The following CTDSPL2 variants were observed in gnomAD, a reference collection of about 807,000 sequenced individuals.
CTDSPL2 encodes CTD small phosphatase-like protein 2.
CTDSPL2 carries 5 observed loss-of-function variants against 60.0 expected under a neutral mutation model. That is an observed-to-expected ratio of 0.08 (90% CI 0.04 to 0.18). The LOEUF is 0.18. CTDSPL2 is among the 10% of genes least tolerant of loss of function. The pLI, the probability that CTDSPL2 is intolerant of heterozygous loss-of-function variation, is 1.00. For missense variants in CTDSPL2, 370 were observed against 548.8 expected (o/e 0.67, Z 3.26); for synonymous variants, 186 against 189.3 (o/e 0.98, Z 0.14).
chr15:44,486,133 TTAGA>T (rs1436364301), intron 3 of CTDSPL2, among the ~76,000 whole-genome samples: 15 of 152,236 alleles, frequency 9.9e-5, no homozygotes, highest in African/African-American at 3.4e-4. Flanking sequence ...CTGTCATTCA[TTAGA>T]TAGAAGCAGA....
At chr15:44,474,448 C>T (rs1209301233) in intron 2 of CTDSPL2, among the ~76,000 whole-genome samples, 2 of 151,880 alleles carry the variant, frequency 1.3e-5, no homozygotes, top group Admixed American at 6.6e-5. Context: ...GGAGATCGCA[C>T]CACTGCACTC....
intron 2 of CTDSPL2, among the ~76,000 whole-genome samples, chr15:44,475,742 T>G (rs949371343): frequency 9.2e-5 from 14 of 152,206 alleles, no homozygotes; most frequent in African/African-American, 3.4e-4. Flanking sequence ...TTTAAAGTAT[T>G]AAATTCCTTT....
At chr15:44,524,019 A>T in intron 12 of CTDSPL2, 90 bp from the exon 13 acceptor site, 2 of 948,790 alleles carry the variant, frequency 2.1e-6, no homozygotes, top group South Asian at 2.7e-5. Context: ...AAAAACTGGT[A>T]TGTTTTCTCT....
chr15:44,438,057 G>C lies in CTDSPL2; in HGVS notation c.-25+10285G>C, dbSNP rs533489321. ...AGGCAGGTGGATCACGAGGTCAGGA[G>C]ATTAAGACCATCCTGGCTAACATGG... On this transcript the variant is annotated intron_variant, in intron 1 of 12. Coordinates refer to ENST00000260327, the MANE Select transcript of CTDSPL2 (RefSeq NM_016396.3). Among the ~76,000 whole-genome samples, 679 of 152,284 alleles carry C rather than the reference G, an allele frequency of 4.5e-3. 3 individuals carry two copies. The highest frequency in any genetic ancestry group is 0.016 in the African/African-American group (646 of 41,560).
chr15:44,479,586 T>G (rs2080988277), intron 2 of CTDSPL2, among the ~76,000 whole-genome samples: 1 of 151,990 alleles, frequency 6.6e-6, no homozygotes, highest in Non-Finnish European at 1.5e-5. Flanking sequence ...TTTTAAATTT[T>G]TGTGTAGAAA....
At chr15:44,509,076 T>G (rs2081521736) in intron 8 of CTDSPL2, among the ~76,000 whole-genome samples, 1 of 152,246 alleles carries the variant, frequency 6.6e-6, no homozygotes, top group Admixed American at 6.5e-5. Context: ...TAGAAATTAC[T>G]AAGTATATAA....
intron 2 of CTDSPL2, among the ~76,000 whole-genome samples, chr15:44,479,780 C>T (rs1025649551): frequency 7.2e-5 from 11 of 151,952 alleles, no homozygotes; most frequent in African/African-American, 1.5e-4. Flanking sequence ...TTTTCTGACA[C>T]GTGTTCTTTA....
intron 10 of CTDSPL2, among the ~76,000 whole-genome samples, chr15:44,515,456 T>C (rs553541522): frequency 9.9e-5 from 15 of 152,282 alleles, no homozygotes; most frequent in Non-Finnish European, 2.1e-4. Flanking sequence ...TTAGTTCCAT[T>C]ATTTTGTCAG....
At chr15:44,478,475 AAAAAAAAAG>A (rs1462523240) in intron 2 of CTDSPL2, among the ~76,000 whole-genome samples, 12 of 149,974 alleles carry the variant, frequency 8.0e-5, no homozygotes, top group African/African-American at 2.9e-4. Flanking sequence ...AAAAAAAAAA[AAAAAAAAAG>A]ACTCATGAGA....
chr15:44,462,194 T>C (rs1345338148), intron 2 of CTDSPL2, among the ~76,000 whole-genome samples: 1 of 152,238 alleles, frequency 6.6e-6, no homozygotes, highest in East Asian at 1.9e-4. Context: ...TTTGCCTGCC[T>C]GGACCTCTCA....
In CTDSPL2 at chr15:44,526,281, T is replaced by C. The variant is rs2081871790; in HGVS notation, c.*2107T>C. 6.6e-6 allele frequency: 1 copy of C among 152,160 alleles called. No individual in the cohort carries two copies. The highest frequency in any genetic ancestry group is 1.5e-5 in the Non-Finnish European group (1 of 67,990). The allele number at this position is 152,160 out of a possible 1,614,324, so 9.4% of individuals were successfully genotyped here. A position where few individuals can be genotyped will look rare whatever the true frequency, so the allele number is the denominator to read the frequency against. The stretch of plus-strand genomic sequence containing the variant: ...AACCCAAAACTTAAAAGATCTGAAC[T>C]TTCAGCATGCATTCTGATTGCTGAA... On this transcript the variant is annotated 3_prime_UTR_variant, in exon 13 of 13. Transcript: ENST00000260327.
rs1399317601 is a variant in CTDSPL2 at position 44,497,009 on chromosome 15, T to G, written c.771-18T>G. ...TAAAAAGTAAAATGTTGAAATTTTCTTAAAATCTGATTTATAGCTATTATT... is the reference window on the plus strand; with the variant it reads ...TAAAAAGTAAAATGTTGAAATTTTCGTAAAATCTGATTTATAGCTATTATT... On this transcript the variant is annotated intron_variant, in intron 6 of 12. Coordinates refer to ENST00000260327, the MANE Select transcript of CTDSPL2 (RefSeq NM_016396.3). 1 of 1,464,528 alleles carries G rather than the reference T, an allele frequency of 6.8e-7. No individual in the cohort carries two copies. Among genetic ancestry groups the G allele is most frequent in the Non-Finnish European group, 9.5e-7 (1 of 1,052,444 alleles). The allele number at this position is 1,464,528 out of a possible 1,614,324, so 90.7% of individuals were successfully genotyped here. A position where few individuals can be genotyped will look rare whatever the true frequency, so the allele number is the denominator to read the frequency against.
At chr15:44,524,020 T>G in intron 12 of CTDSPL2, 89 bp from the exon 13 acceptor site, 1 of 966,780 alleles carries the variant, frequency 1.0e-6, no homozygotes, top group Non-Finnish European at 1.6e-6. Context: ...AAAACTGGTA[T>G]GTTTTCTCTG....
chr15:44,442,629 T>C (rs1392395798), intron 1 of CTDSPL2, among the ~76,000 whole-genome samples: 2 of 151,984 alleles, frequency 1.3e-5, no homozygotes, highest in African/African-American at 2.4e-5. Flanking sequence ...TTTTCTGTCC[T>C]TTTCTTCTGT....
chr15:44,449,796 G>A (rs571506350), intron 1 of CTDSPL2, among the ~76,000 whole-genome samples: 24 of 151,596 alleles, frequency 1.6e-4, no homozygotes, highest in Non-Finnish European at 3.4e-4. Flanking sequence ...TTCAAGACCA[G>A]CCTGGCCAAC....
intron 2 of CTDSPL2, among the ~76,000 whole-genome samples, chr15:44,463,300 C>G (rs1458592860): frequency 6.6e-6 from 1 of 151,932 alleles, no homozygotes; most frequent in East Asian, 1.9e-4. Flanking sequence ...TGCCACCATA[C>G]CTGGCTGATT....
chr15:44,525,186 C>CT lies in CTDSPL2; in HGVS notation c.*1013dup. Reference sequence around the variant, plus strand: ...AGTATTTTTAGTTATTTTGCATGGGCTGGTAGTACCTCTGTTATGCTCTCA... The same window carrying CT: ...AGTATTTTTAGTTATTTTGCATGGGCTTGGTAGTACCTCTGTTATGCTCTCA... On this transcript the variant is annotated 3_prime_UTR_variant, in exon 13 of 13. Coordinates refer to ENST00000260327, the MANE Select transcript of CTDSPL2 (RefSeq NM_016396.3). The CT allele has an allele frequency of 2.6e-6, 1 of 382,582 alleles. No individual in the cohort carries two copies. The highest frequency in any genetic ancestry group is 4.6e-6 in the Non-Finnish European group (1 of 215,700). The allele number at this position is 382,582 out of a possible 1,614,324, so 23.7% of individuals were successfully genotyped here. A position where few individuals can be genotyped will look rare whatever the true frequency, so the allele number is the denominator to read the frequency against.
At chr15:44,472,944 AG>A (rs2080840870) in intron 2 of CTDSPL2, among the ~76,000 whole-genome samples, 1 of 152,182 alleles carries the variant, frequency 6.6e-6, no homozygotes, top group African/African-American at 2.4e-5. Context: ...TACAGGCTTG[AG>A]TCACTGCGCC....
intron 1 of CTDSPL2, chr15:44,447,577 T>G (rs908918784): frequency 6.6e-6 from 1 of 152,484 alleles, no homozygotes; most frequent in African/African-American, 2.4e-5. Flanking sequence ...AAAGGCATAT[T>G]TCTATCGATT....
Sources: gnomAD v4.1 joint callset for allele counts (sites outside exome capture counted in the v4.1 genomes callset) on GRCh38, gnomAD v4.1.1 for gene constraint, MANE v1.5 for transcripts, NCBI Gene and HGNC (gene_info 2026-07-23, HGNC 2026-07-21) for gene names.